Variants in PCNX2 observed in about 807,000 individuals in gnomAD.
PCNX2 encodes pecanex-like protein 2.
In PCNX2, 168 loss-of-function variants were observed where a neutral mutation model predicts 223.8. The observed-to-expected ratio is 0.75, with a 90% CI of 0.66 to 0.85. The LOEUF is 0.85. Among genes scored for constraint, PCNX2 ranks in the 40% least tolerant of loss-of-function variants. The probability of loss-of-function intolerance (pLI) is 0.00; values close to 1 mark genes in which losing one functional copy is unlikely to be tolerated. For synonymous variants in PCNX2, 1,006 were observed against 1,052.6 expected, an observed-to-expected ratio of 0.96 and a Z score of 0.86; for missense variants, 2,507 against 2,675.5, an observed-to-expected ratio of 0.94 and a Z score of 1.39.
chr1:233,208,223 TG>T (rs747870071), intron 13 of PCNX2, among the ~76,000 whole-genome samples: 1 of 152,216 alleles, frequency 6.6e-6, no homozygotes, highest in Non-Finnish European at 1.5e-5. Context: ...CCTCCCGAAG[TG>T]CTAGGATTAC....
the PCNX2 span, among the ~76,000 whole-genome samples, chr1:233,318,067 T>C: frequency 2.0e-5 from 3 of 152,192 alleles, no homozygotes; most frequent in Admixed American, 6.5e-5. Context: ...CCAAGGTAAG[T>C]ATGACAGCTG....
chr1:233,252,566 A>G, intron 6 of PCNX2, 67 bp from the exon 7 acceptor site: 1 of 1,585,062 alleles, frequency 6.3e-7, no homozygotes, highest in Non-Finnish European at 8.6e-7. Flanking sequence ...TAAAGCATTA[A>G]AAGCAGAAGC....
chr1:232,999,701 G>A (rs954377959), intron 30 of PCNX2: 4 of 268,120 alleles, frequency 1.5e-5, no homozygotes, highest in African/African-American at 2.3e-5. Flanking sequence ...TGATCCACAC[G>A]CCTCGGCCAA....
At chr1:233,133,371 T>C (rs772485997) in intron 21 of PCNX2, among the ~76,000 whole-genome samples, 4 of 152,120 alleles carry the variant, frequency 2.6e-5, no homozygotes, top group African/African-American at 7.2e-5. Context: ...ATTTGAACAG[T>C]AGAAAAATGG....
intron 1 of PCNX2, chr1:233,291,716 G>A (rs1053284210): frequency 5.1e-6 from 5 of 984,620 alleles, no homozygotes; most frequent in Middle Eastern, 5.2e-4. Context: ...TGCCCCTGCT[G>A]TAAAGAACAC....
intron 21 of PCNX2, among the ~76,000 whole-genome samples, chr1:233,097,570 T>TG (rs774022513): frequency 1.3e-5 from 2 of 152,214 alleles, no homozygotes; most frequent in Non-Finnish European, 2.9e-5. Flanking sequence ...ATCCTGGAGT[T>TG]GATTTCAGCC....
rs561094491 is a variant in PCNX2 at position 233,247,135 on chromosome 1, C to T, written c.2222+3604G>A. Among the ~76,000 whole-genome samples the T allele has an allele frequency of 9.2e-5, 14 of 152,344 alleles. No homozygotes were observed. The South Asian group carries it at 2.1e-3, about 23-fold the overall frequency. On this transcript the variant is annotated intron_variant, in intron 8 of 33. Coordinates refer to ENST00000258229, the MANE Select transcript of PCNX2 (RefSeq NM_014801.4). ...GATCGTCTGACGGACATAGGACTGA[C>T]TCGTTTTTCCTGAGCACGAATTAAA... is the stretch of plus-strand genomic sequence containing the variant.
rs1340120686 is a variant in PCNX2 at position 233,208,594 on chromosome 1, G to A, written c.2787C>T (p.His929=). 2 of 1,613,778 alleles carry A rather than the reference G, an allele frequency of 1.2e-6. No homozygotes were observed. The highest frequency in any genetic ancestry group is 1.3e-5 in the African/African-American group (1 of 74,948). ...GGCCATACACAACGTAACTGGGAGG[G>A]TGCCTGGCTTTGGCCCCTGTATCAA... is the stretch of plus-strand genomic sequence containing the variant. ...LLLDTGAKAR[H]PPSYVVYGLK... The change falls in exon 13 of 34, where the codon CAC becomes CAT. Residue 929 remains histidine, a synonymous_variant. Coordinates refer to ENST00000258229, the MANE Select transcript of PCNX2 (RefSeq NM_014801.4).
At chr1:233,121,419 A>T (rs1675785314) in intron 21 of PCNX2, among the ~76,000 whole-genome samples, 3 of 152,236 alleles carry the variant, frequency 2.0e-5, no homozygotes, top group African/African-American at 4.8e-5. Context: ...AGTTGGAAAA[A>T]TCACACTATT....
At chr1:233,047,297 T>C (rs1453867190) in intron 25 of PCNX2, 2 of 821,618 alleles carry the variant, frequency 2.4e-6, no homozygotes, top group Non-Finnish European at 1.5e-6. Flanking sequence ...ACCAGAACAT[T>C]TATTGTGCTA....
At chr1:233,050,531 C>A (rs1252005480) in intron 25 of PCNX2, among the ~76,000 whole-genome samples, 2 of 152,218 alleles carry the variant, frequency 1.3e-5, no homozygotes, top group Middle Eastern at 3.4e-3. Context: ...AAAAGTCACA[C>A]ACCTATAGCC....
Position 233,025,326 on chromosome 1 carries a change from G to A in PCNX2, c.4425C>T (p.Cys1475=). The A allele has an allele frequency of 2.5e-6, 4 of 1,613,988 alleles. No individual in the cohort carries two copies. The highest frequency in any genetic ancestry group is 3.4e-6 in the Non-Finnish European group (4 of 1,179,884). ...GDEEDRGCCC[C]KPGHLPHLLS... is the part of the protein sequence containing the mutation. ...GCAGGTGAGGCAAGTGGCCTGGTTT[G>A]CAGCAGCAGCAGCCTCTGTCCTCCT... Residue 1475 remains cysteine (C), a synonymous_variant, in exon 26 of 34, where the codon TGC becomes TGT. Coordinates refer to ENST00000258229, the MANE Select transcript of PCNX2 (RefSeq NM_014801.4).
chr1:233,187,648 T>C (rs1680181010), intron 15 of PCNX2, among the ~76,000 whole-genome samples: 1 of 152,180 alleles, frequency 6.6e-6, no homozygotes, highest in African/African-American at 2.4e-5. Context: ...CAAATCAGTG[T>C]CAGCTGACAC....
chr1:233,060,513 T>G lies in PCNX2; in HGVS notation c.4077-3223A>C, dbSNP rs187239513. Among the ~76,000 whole-genome samples the G allele has an allele frequency of 1.5e-3, 236 of 152,358 alleles. 2 individuals are homozygous for G. The highest frequency in any genetic ancestry group is 3.4e-4 in the Non-Finnish European group (23 of 68,040). On this transcript the variant is annotated intron_variant, in intron 23 of 33. Coordinates refer to ENST00000258229, the MANE Select transcript of PCNX2 (RefSeq NM_014801.4). ...TGTGTACCCCCAGGACCTCTGGCTC[T>G]CCACACATTCTCTAAGAGGGTGGAC...
chr1:233,233,423 CCTGT>C (rs1390137632), intron 9 of PCNX2, among the ~76,000 whole-genome samples: 72 of 115,584 alleles, frequency 6.2e-4, no homozygotes, highest in African/African-American at 2.4e-3. Context: ...CTCCTCTTCT[CCTGT>C]GTGTGTGTGT....
At chr1:233,117,988 C>A (rs565550521) in intron 21 of PCNX2, among the ~76,000 whole-genome samples, 2 of 144,780 alleles carry the variant, frequency 1.4e-5, no homozygotes, top group African/African-American at 2.6e-5. Context: ...CCAGCCTGGG[C>A]GACAGAGCGA....
intron 9 of PCNX2, among the ~76,000 whole-genome samples, chr1:233,233,642 T>C (rs553577195): frequency 2.4e-4 from 36 of 152,144 alleles, no homozygotes; most frequent in Middle Eastern, 3.4e-3. Flanking sequence ...GCCTGCAGAA[T>C]TCCATCCTTT....
At chr1:233,021,318 C>T (rs565448019) in intron 26 of PCNX2, among the ~76,000 whole-genome samples, 114 of 152,310 alleles carry the variant, frequency 7.5e-4, no homozygotes, top group Non-Finnish European at 1.0e-3. Context: ...TAAGAACATT[C>T]TTGTTTCTGT....
intron 19 of PCNX2, among the ~76,000 whole-genome samples, chr1:233,146,346 T>C (rs1483565429): frequency 6.6e-6 from 1 of 152,176 alleles, no homozygotes; most frequent in Non-Finnish European, 1.5e-5. Context: ...TTCTGGATAA[T>C]TACATTTAAC....
Sources: gnomAD v4.1 joint callset for allele counts (sites outside exome capture counted in the v4.1 genomes callset) on GRCh38, gnomAD v4.1.1 for gene constraint, MANE v1.5 for transcripts, NCBI Gene and HGNC (gene_info 2026-07-23, HGNC 2026-07-21) for gene names.